AUTS2: variants seen among roughly 807,000 people sequenced by gnomAD.
AUTS2 encodes autism susceptibility gene 2 protein.
Under a neutral mutation model 112.4 loss-of-function variants are expected in AUTS2, and 17 were observed. That is an observed-to-expected ratio of 0.15 (90% CI 0.10 to 0.23). The LOEUF (loss-of-function observed/expected upper bound fraction) is 0.23, where lower values mean the gene tolerates loss of function less well. AUTS2 is among the 10% of genes least tolerant of loss of function. The probability of loss-of-function intolerance (pLI) is 1.00; values close to 1 mark genes in which losing one functional copy is unlikely to be tolerated. For missense variants in AUTS2, 1,510 were observed against 1,701.6 expected (o/e 0.89, Z 1.98); for synonymous variants, 751 against 702.7 (o/e 1.07, Z -1.09).
chr7:69,845,174 A>G (rs1350481777), intron 1 of AUTS2, among the ~76,000 whole-genome samples: 1 of 152,180 alleles, frequency 6.6e-6, no homozygotes, highest in African/African-American at 2.4e-5. Flanking sequence ...TAATTTCTTC[A>G]TGGCATCTAA....
At chr7:70,236,154 A>G (rs1812315717) in intron 4 of AUTS2, among the ~76,000 whole-genome samples, 1 of 152,210 alleles carries the variant, frequency 6.6e-6, no homozygotes, top group Non-Finnish European at 1.5e-5. Flanking sequence ...TGTGTGGTAC[A>G]TAGCGAAACT....
chr7:70,599,622 T>C (rs1295590478), intron 5 of AUTS2, among the ~76,000 whole-genome samples: 4 of 152,288 alleles, frequency 2.6e-5, no homozygotes, highest in South Asian at 2.1e-4. Flanking sequence ...AACTCTGAGA[T>C]GGAGTTTAGC....
intron 5 of AUTS2, among the ~76,000 whole-genome samples, chr7:70,637,002 A>G (rs901209984): frequency 2.0e-5 from 3 of 152,184 alleles, no homozygotes; most frequent in African/African-American, 7.2e-5. Context: ...ATGTTTATCG[A>G]ACACCTGCCA....
intron 5 of AUTS2, among the ~76,000 whole-genome samples, chr7:70,526,625 G>A (rs1023490522): frequency 2.0e-5 from 3 of 152,164 alleles, no homozygotes; most frequent in African/African-American, 2.4e-5. Context: ...AGCCGAGATC[G>A]TGCCACTGCA....
At chr7:70,681,094 G>A (rs1216619416) in intron 5 of AUTS2, among the ~76,000 whole-genome samples, 4 of 152,180 alleles carry the variant, frequency 2.6e-5, no homozygotes, top group African/African-American at 7.2e-5. Context: ...ATCCACACTC[G>A]CTTCCCTGTG....
intron 1 of AUTS2, among the ~76,000 whole-genome samples, chr7:69,888,587 A>C (rs1229284211): frequency 7.5e-6 from 1 of 133,594 alleles, no homozygotes; most frequent in Non-Finnish European, 1.6e-5. Context: ...GGTTTTTTAA[A>C]TTATTATTTT....
chr7:70,530,533 G>T (rs538495320), intron 5 of AUTS2, among the ~76,000 whole-genome samples: 1 of 152,278 alleles, frequency 6.6e-6, no homozygotes, highest in South Asian at 2.1e-4. Context: ...TTCTGTCTGT[G>T]TAGAATTACT....
At chr7:70,027,258 G>C (rs945512544) in intron 2 of AUTS2, among the ~76,000 whole-genome samples, 1 of 152,132 alleles carries the variant, frequency 6.6e-6, no homozygotes, top group African/African-American at 2.4e-5. Context: ...TGATGTCTTC[G>C]TTTTGGAAAC....
At chr7:70,526,031 C>G (rs577930693) in intron 5 of AUTS2, among the ~76,000 whole-genome samples, 2 of 152,208 alleles carry the variant, frequency 1.3e-5, no homozygotes, top group African/African-American at 2.4e-5. Context: ...AAGACAGCTG[C>G]TCTTCTGAAT....
intron 4 of AUTS2, among the ~76,000 whole-genome samples, chr7:70,278,755 C>T (rs1788065496): frequency 6.6e-6 from 1 of 152,202 alleles, no homozygotes; most frequent in Admixed American, 6.5e-5. Flanking sequence ...TTAGGAATTT[C>T]TCAGACATAC....
intron 4 of AUTS2, among the ~76,000 whole-genome samples, chr7:70,264,350 G>A (rs554132322): frequency 5.1e-4 from 77 of 152,216 alleles, no homozygotes; most frequent in African/African-American, 1.7e-3. Context: ...TGTGACTACA[G>A]GCATGCACCA....
intron 5 of AUTS2, among the ~76,000 whole-genome samples, chr7:70,605,546 C>CTCTT (rs1554440368): frequency 6.8e-4 from 48 of 70,676 alleles, no homozygotes; most frequent in African/African-American, 2.8e-3. Context: ...CCTTCTTTCT[C>CTCTT]TTTTTTTTTT....
chr7:69,859,498 C>T (rs1792881116), intron 1 of AUTS2, among the ~76,000 whole-genome samples: 1 of 152,222 alleles, frequency 6.6e-6, no homozygotes, highest in Non-Finnish European at 1.5e-5. Flanking sequence ...TCATTAGTCT[C>T]AGACTCATAT....
intron 4 of AUTS2, among the ~76,000 whole-genome samples, chr7:70,207,984 C>G (rs1157884165): frequency 7.7e-6 from 1 of 130,158 alleles, no homozygotes; most frequent in Non-Finnish European, 1.5e-5. Flanking sequence ...GCACTCCAGC[C>G]TGGGCAACAA....
intron 2 of AUTS2, among the ~76,000 whole-genome samples, chr7:70,041,871 T>C (rs1801263363): frequency 6.6e-6 from 1 of 152,218 alleles, no homozygotes; most frequent in African/African-American, 2.4e-5. Context: ...CTTTTTTTGC[T>C]AGTTTTATTT....
intron 5 of AUTS2, among the ~76,000 whole-genome samples, chr7:70,586,159 A>C (rs2129527780): frequency 6.6e-6 from 1 of 152,244 alleles, no homozygotes; most frequent in African/African-American, 2.4e-5. Context: ...GATCGCGCCC[A>C]GCCGAAATAA....
chr7:70,581,422 A>G (rs11763450), intron 5 of AUTS2, among the ~76,000 whole-genome samples: 17,827 of 152,224 alleles, frequency 0.12, 1,194 homozygotes, highest in Middle Eastern at 0.2. Context: ...GCCGGGTGCG[A>G]TGGCATGTGC....
At chr7:69,826,215 T>C (rs1297080298) in intron 1 of AUTS2, among the ~76,000 whole-genome samples, 1 of 152,192 alleles carries the variant, frequency 6.6e-6, no homozygotes, top group Admixed American at 6.5e-5. Context: ...TAACCCCTTA[T>C]AGTTAGTTAG....
chr7:69,663,737 T>C (rs1795909343), intron 1 of AUTS2, among the ~76,000 whole-genome samples: 2 of 152,306 alleles, frequency 1.3e-5, no homozygotes, highest in Admixed American at 6.5e-5. Context: ...TTCTGTGGGC[T>C]CTTGCCTGGA....
Sources: allele counts gnomAD v4.1 joint callset (sites outside exome capture counted in the v4.1 genomes callset), GRCh38; gene constraint gnomAD v4.1.1; transcripts MANE v1.5; gene names NCBI Gene and HGNC (gene_info 2026-07-23, HGNC 2026-07-21).